USP32: variants seen among roughly 807,000 people sequenced by gnomAD.
The protein encoded by USP32 is ubiquitin carboxyl-terminal hydrolase 32.
In USP32, 59 loss-of-function variants were observed where a neutral mutation model predicts 204.8. That is an observed-to-expected ratio of 0.29 (90% CI 0.23 to 0.36). The LOEUF is 0.36. USP32 is among the 10% of genes least tolerant of loss of function. USP32 has a pLI of 1.00. For missense variants in USP32, 1,160 were observed against 1,946.4 expected, an observed-to-expected ratio of 0.60 and a Z score of 7.60; for synonymous variants, 517 against 678.4, an observed-to-expected ratio of 0.76 and a Z score of 3.70.
chr17:60,262,442 G>A (rs935303903), intron 9 of USP32, among the ~76,000 whole-genome samples: 1 of 152,126 alleles, frequency 6.6e-6, no homozygotes, highest in Non-Finnish European at 1.5e-5. Flanking sequence ...TCCGCCCACT[G>A]TGGCCTCCCA....
At chr17:60,271,812 C>CT (rs907699792) in intron 5 of USP32, among the ~76,000 whole-genome samples, 284 of 142,670 alleles carry the variant, frequency 2.0e-3, no homozygotes, top group Middle Eastern at 0.011. Flanking sequence ...TTTTTTTCTT[C>CT]TTTTTTTTTT....
At chr17:60,311,003 T>G (rs1450587392) in intron 2 of USP32, among the ~76,000 whole-genome samples, 1 of 152,006 alleles carries the variant, frequency 6.6e-6, no homozygotes, top group East Asian at 1.9e-4. Flanking sequence ...GGAAGAGTAG[T>G]GGGGAGGAGG....
intron 15 of USP32, among the ~76,000 whole-genome samples, chr17:60,220,500 AT>A (rs2085215859): frequency 6.6e-6 from 1 of 152,192 alleles, no homozygotes; most frequent in Admixed American, 6.5e-5. Context: ...CAGATTTCAC[AT>A]TGTTGGAACA....
chr17:60,372,847 A>C (rs1471689751), intron 1 of USP32, among the ~76,000 whole-genome samples: 2 of 124,932 alleles, frequency 1.6e-5, no homozygotes, highest in African/African-American at 8.9e-5. Flanking sequence ...ACCCTGTCTA[A>C]AAAAAAAAAA....
At chr17:60,289,931 G>A (rs781488330) in intron 4 of USP32, among the ~76,000 whole-genome samples, 1 of 152,144 alleles carries the variant, frequency 6.6e-6, no homozygotes, top group Non-Finnish European at 1.5e-5. Flanking sequence ...TAAGTGAGGC[G>A]ATACTTTTAG....
At chr17:60,419,798 G>A (rs1346031429) in intron 1 of USP32, among the ~76,000 whole-genome samples, 1 of 146,834 alleles carries the variant, frequency 6.8e-6, no homozygotes, top group African/African-American at 2.5e-5. Context: ...TAACAAACCT[G>A]CAACTCAAGG....
At chr17:60,396,996 A>C (rs999101999), upstream of USP32, among the ~76,000 whole-genome samples, 4 of 152,196 alleles carry the variant, frequency 2.6e-5, no homozygotes, top group Non-Finnish European at 5.9e-5. Flanking sequence ...GCTCCTGAAA[A>C]AATCAAGTAG....
At position 60,376,515 on chromosome 17, in the gene USP32, CT is replaced by C. The variant is rs982865898; in HGVS notation, c.58+15366del. Among the ~76,000 whole-genome samples the C allele has an allele frequency of 6.0e-5, 9 of 149,938 alleles. No individual in the cohort carries two copies. In the South Asian group the frequency reaches 1.3e-3, roughly 21 times the overall value. On this transcript the variant is annotated intron_variant, in intron 1 of 33. Transcript: ENST00000300896. ...TGACATTTGAATTTTGGGAAATTTT[CT>C]TTTTTTTTCCTTTTCTTTTTTTTTT...
upstream of USP32, chr17:60,392,480 A>T: frequency 4.7e-6 from 1 of 210,856 alleles, no homozygotes; most frequent in South Asian, 3.9e-5. Context: ...CTTGAGGACG[A>T]CCCCCCCCGC....
At position 60,327,504 on chromosome 17, in the gene USP32, C is replaced by CCACCT. The variant is rs372062002; in HGVS notation, c.186+17972_186+17976dup. 6.3e-3 allele frequency among the ~76,000 whole-genome samples: 950 copies of CCACCT among 151,242 alleles called. 11 individuals are homozygous for CCACCT. The highest frequency in any genetic ancestry group is 0.034 in the Middle Eastern group (10 of 292). ...ACAAGCGGGGCCCGCCCACCCCACCCCACCTCAGGAGCCAGGCTGAGCCCG... is the reference window on the plus strand; with the variant it reads ...ACAAGCGGGGCCCGCCCACCCCACCCCACCTCACCTCAGGAGCCAGGCTGAGCCCG... On this transcript the variant is annotated intron_variant, in intron 2 of 33. Transcript: ENST00000300896.
chr17:60,229,287 C>T (rs2085481162), intron 12 of USP32, among the ~76,000 whole-genome samples: 1 of 152,192 alleles, frequency 6.6e-6, no homozygotes, highest in Non-Finnish European at 1.5e-5. Context: ...AAACAATCCT[C>T]CTGCCTTGGC....
chr17:60,353,507 G>A (rs551231048), intron 1 of USP32, among the ~76,000 whole-genome samples: 1 of 152,246 alleles, frequency 6.6e-6, no homozygotes, highest in South Asian at 2.1e-4. Flanking sequence ...TTGGGAGGCC[G>A]AAGCAGGTGG....
chr17:60,402,109 G>C (rs988938405), intron 1 of USP32, among the ~76,000 whole-genome samples: 11 of 152,124 alleles, frequency 7.2e-5, no homozygotes, highest in African/African-American at 2.7e-4. Flanking sequence ...CTGTGTGCAT[G>C]TATTAGCTGC....
intron 2 of USP32, among the ~76,000 whole-genome samples, chr17:60,332,290 T>C (rs1380667731): frequency 1.3e-5 from 2 of 151,808 alleles, no homozygotes; most frequent in African/African-American, 4.8e-5. Context: ...GGTTTTGTCA[T>C]GCATATATAC....
rs369250299 is a variant in USP32, at chr17:60,229,117, C to T, written c.1240-2886G>A. On this transcript the variant is annotated intron_variant, in intron 12 of 33. Coordinates refer to ENST00000300896, the MANE Select transcript of USP32 (RefSeq NM_032582.4). The stretch of plus-strand genomic sequence containing the variant: ...TTAATACAGGGTCTTGCTCAGTCGC[C>T]TATAGCTCACTATACCCTTGAACTC... 2.6e-5 allele frequency among the ~76,000 whole-genome samples: 4 copies of T among 152,102 alleles called. No homozygotes were observed. The South Asian group carries it at 8.3e-4, about 32-fold the overall frequency.
At position 60,285,690 on chromosome 17, in the gene USP32, T is replaced by C. The variant is rs1008285795; in HGVS notation, c.571+2833A>G. ...CAAAAAGGGTACAAGTAAGGTGTTA[T>C]CAGAGTTCAGAGGAATGAGAGATAA... On this transcript the variant is annotated intron_variant, in intron 5 of 33. Coordinates refer to ENST00000300896, the MANE Select transcript of USP32 (RefSeq NM_032582.4). 2.6e-5 allele frequency among the ~76,000 whole-genome samples: 4 copies of C among 152,302 alleles called. No homozygotes were observed. In the South Asian group the frequency reaches 6.2e-4, roughly 24 times the overall value.
chr17:60,265,518 AC>A (rs2086568460), intron 8 of USP32, 44 bp from the exon 9 acceptor site: 3 of 1,305,596 alleles, frequency 2.3e-6, no homozygotes, highest in Non-Finnish European at 3.3e-6. Flanking sequence ...CAGTGAATAT[AC>A]TTTTAATTTT....
intron 2 of USP32, among the ~76,000 whole-genome samples, chr17:60,312,442 T>C (rs947913972): frequency 4.6e-5 from 7 of 152,044 alleles, no homozygotes; most frequent in Non-Finnish European, 1.0e-4. Flanking sequence ...GTCGTTGTTG[T>C]TGAGACAGGG....
intron 33 of USP32, among the ~76,000 whole-genome samples, chr17:60,180,172 C>T (rs545312718): frequency 3.3e-5 from 5 of 152,102 alleles, no homozygotes; most frequent in East Asian, 1.9e-4. Context: ...ATTAGAGGCA[C>T]GCGCCAACAC....
Sources: gnomAD v4.1 joint callset for allele counts (sites outside exome capture counted in the v4.1 genomes callset) on GRCh38, gnomAD v4.1.1 for gene constraint, MANE v1.5 for transcripts, NCBI Gene and HGNC (gene_info 2026-07-23, HGNC 2026-07-21) for gene names.